The following EPHX3 variants were observed in gnomAD, a reference collection of about 807,000 sequenced individuals.
The protein encoded by EPHX3 is epoxide hydrolase 3.
A neutral mutation model predicts 40.2 loss-of-function variants in EPHX3; 39 were observed. The observed-to-expected ratio is 0.97, with a 90% CI of 0.75 to 1.27. The LOEUF is 1.27. Ranked by LOEUF, EPHX3 falls within the 50% of genes most tolerant of loss-of-function variation. The pLI, the probability that EPHX3 is intolerant of heterozygous loss-of-function variation, is 0.00. For missense variants in EPHX3, 442 were observed against 474.0 expected (o/e 0.93, Z 0.63); for synonymous variants, 213 against 209.7 (o/e 1.02, Z -0.14).
Position 15,227,544 on chromosome 19 carries a change from G to A in EPHX3, c.976C>T (p.Arg326Cys), listed in dbSNP as rs775153077. Residue 326 changes from arginine to cysteine, a missense_variant, in exon 7 of 7, where the codon CGC (arginine) becomes TGC (cysteine). Physicochemically the swap from Arg to Cys is radical, Grantham distance 180 (BLOSUM62 -3). Coordinates refer to ENST00000221730, the MANE Select transcript of EPHX3 (RefSeq NM_024794.3). ...CCTGGCAGGATGTGGGCCTCCAAGCGGCCCGGCACAAAGCGGCTGCCGATG... is the reference window on the plus strand; with the variant it reads ...CCTGGCAGGATGTGGGCCTCCAAGCAGCCCGGCACAAAGCGGCTGCCGATG... ...EAIGSRFVPGRLEAHILPGIG... is the reference protein window; with the variant it reads ...EAIGSRFVPGCLEAHILPGIG... 1.2e-5 allele frequency: 20 copies of A among 1,613,944 alleles called. No homozygotes were observed. Among genetic ancestry groups the A allele is most frequent in the Admixed American group, 1.7e-5 (1 of 59,980 alleles).
rs752444762 is a variant in EPHX3 at position 15,231,225 on chromosome 19, G to C, written c.487+14C>G. On this transcript the variant is annotated intron_variant, in intron 3 of 6. Coordinates refer to ENST00000221730, the MANE Select transcript of EPHX3 (RefSeq NM_024794.3). ...ATGAGGGAGGCCACGCCTAGGATGG[G>C]GGTATGTCTGCACCCAGGCCTAGGA... 1 of 1,613,790 alleles carries C rather than the reference G, an allele frequency of 6.2e-7. No homozygotes were observed. The highest frequency in any genetic ancestry group is 1.1e-5 in the South Asian group (1 of 91,050).
chr19:15,232,107 G>A lies in EPHX3; in HGVS notation c.105C>T (p.Ala35=). ...WSLVFSVALV[A]AAVYGCIALT... is the part of the protein sequence containing the mutation. ...GCGCTATGCAGCCGTAGACCGCCGC[G>A]GCCACCAGCGCCACCGAGAACACCA... The change falls in exon 1 of 7, where the codon GCC becomes GCT. Residue 35 remains alanine, a synonymous_variant. Coordinates refer to ENST00000221730, the MANE Select transcript of EPHX3 (RefSeq NM_024794.3). The A allele has an allele frequency of 6.7e-7, 1 of 1,498,802 alleles. No individual in the cohort carries two copies. Among genetic ancestry groups the A allele is most frequent in the Non-Finnish European group, 8.8e-7 (1 of 1,130,874 alleles). 92.8% of individuals were successfully genotyped at this position (1,498,802 alleles called of 1,614,324 possible).
upstream of EPHX3, chr19:15,235,920 C>G (rs1195143294): frequency 6.6e-6 from 1 of 152,208 alleles, no homozygotes; most frequent in African/African-American, 2.4e-5. Flanking sequence ...TGGACCCAGG[C>G]TGGGGAAGTG....
rs373108195 is a variant in EPHX3, at chr19:15,229,818, C to T, written c.616+1144G>A. On this transcript the variant is annotated intron_variant, in intron 4 of 6. Transcript: ENST00000221730. Reference sequence around the variant, plus strand: ...AGGGGAATCGCTTGAACCTGGGAGGCGGAGGTTGCAGTGAACTGAGATCAC... The same window carrying T: ...AGGGGAATCGCTTGAACCTGGGAGGTGGAGGTTGCAGTGAACTGAGATCAC... 1.5e-4 allele frequency among the ~76,000 whole-genome samples: 20 copies of T among 129,442 alleles called. 1 individual carries two copies. The highest frequency in any genetic ancestry group is 1.1e-3 in the South Asian group (4 of 3,778). 84.9% of individuals were successfully genotyped at this position (129,442 alleles called of 152,430 possible).
At chr19:15,233,441 G>C (rs2047168999), upstream of EPHX3, 1 of 152,260 alleles carries the variant, frequency 6.6e-6, no homozygotes, top group East Asian at 1.9e-4. Flanking sequence ...CGGGTCCAGC[G>C]GCCTCGGCCC....
At chr19:15,235,349 T>C (rs1389041510), upstream of EPHX3, among the ~76,000 whole-genome samples, 1 of 151,946 alleles carries the variant, frequency 6.6e-6, no homozygotes, top group African/African-American at 2.4e-5. Flanking sequence ...TATCTCACAA[T>C]TTGATGTTCC....
upstream of EPHX3, among the ~76,000 whole-genome samples, chr19:15,233,685 G>A (rs2047170785): frequency 6.6e-6 from 1 of 152,228 alleles, no homozygotes; most frequent in Non-Finnish European, 1.5e-5. Flanking sequence ...GAGTTCTGGG[G>A]TTCTGGCCGA....
chr19:15,229,876 ACT>A (rs1285810745), intron 4 of EPHX3, among the ~76,000 whole-genome samples: 1 of 134,838 alleles, frequency 7.4e-6, no homozygotes, highest in African/African-American at 2.8e-5. Flanking sequence ...ACAGAGCAAG[ACT>A]CTGTCTCAAA....
At chr19:15,229,601 A>G (rs2047137613) in intron 4 of EPHX3, among the ~76,000 whole-genome samples, 1 of 149,744 alleles carries the variant, frequency 6.7e-6, no homozygotes, top group South Asian at 2.1e-4. Flanking sequence ...CAAGAAAAAA[A>G]AAAAAAAAAG....
chr19:15,231,464 C>A, intron 2 of EPHX3, 68 bp from the exon 3 acceptor site: 1 of 1,552,508 alleles, frequency 6.4e-7, no homozygotes, highest in Non-Finnish European at 8.7e-7. Flanking sequence ...CTACGCACAT[C>A]AGCAACCATT....
Position 15,232,403 on chromosome 19 carries a change from A to T in EPHX3, c.-192T>A, listed in dbSNP as rs2047162657. 5 of 1,360,594 alleles carry T rather than the reference A, an allele frequency of 3.7e-6. No individual in the cohort carries two copies. The East Asian group carries it at 1.5e-4, about 42-fold the overall frequency. 84.3% of individuals were successfully genotyped at this position (1,360,594 alleles called of 1,614,324 possible). On this transcript the variant is annotated 5_prime_UTR_variant, in exon 1 of 7. Transcript: ENST00000221730. ...ACAGCCAGAGCGCACCACTCACCTG[A>T]GTGCCAGGTAAACACCTGGGCGCGA...
In EPHX3 at chr19:15,231,227, G is replaced by T. The variant is rs1363107680; in HGVS notation, c.487+12C>A. 2 of 1,613,750 alleles carry T rather than the reference G, an allele frequency of 1.2e-6. No individual in the cohort carries two copies. Among genetic ancestry groups the T allele is most frequent in the African/African-American group, 1.3e-5 (1 of 74,896 alleles). On this transcript the variant is annotated intron_variant, in intron 3 of 6. Transcript: ENST00000221730. ...GAGGGAGGCCACGCCTAGGATGGGG[G>T]TATGTCTGCACCCAGGCCTAGGATG...
chr19:15,232,439 A>G lies in EPHX3; in HGVS notation c.-228T>C, dbSNP rs1169724532. ...AACACCTGGGCGCGACAGGGACAGG[A>G]AACAAGGGTAGGGTGCGGAGGCTGG... On this transcript the variant is annotated 5_prime_UTR_variant, in exon 1 of 7. Transcript: ENST00000221730. The G allele has an allele frequency of 7.4e-7, 1 of 1,350,290 alleles. No individual in the cohort carries two copies. Among genetic ancestry groups the G allele is most frequent in the Non-Finnish European group, 9.4e-7 (1 of 1,058,440 alleles). 83.6% of individuals were successfully genotyped at this position (1,350,290 alleles called of 1,614,324 possible). A position where few individuals can be genotyped will look rare whatever the true frequency, so the allele number is the denominator to read the frequency against.
At chr19:15,234,437 T>C (rs957162994), upstream of EPHX3, among the ~76,000 whole-genome samples, 7 of 152,084 alleles carry the variant, frequency 4.6e-5, no homozygotes, top group African/African-American at 1.4e-4. Context: ...AACCTGTAGT[T>C]GGGACTACAG....
Position 15,230,819 on chromosome 19 carries a change from C to T in EPHX3, c.616+143G>A, listed in dbSNP as rs935239554. ...GTCATTAATTTCCGAATGAGGAGTTCCACAACCGAAGGGACCTGGGTTGAT... is the reference window on the plus strand; with the variant it reads ...GTCATTAATTTCCGAATGAGGAGTTTCACAACCGAAGGGACCTGGGTTGAT... On this transcript the variant is annotated intron_variant, in intron 4 of 6. Coordinates refer to ENST00000221730, the MANE Select transcript of EPHX3 (RefSeq NM_024794.3). 12 of 1,129,366 alleles carry T rather than the reference C, an allele frequency of 1.1e-5. No homozygotes were observed. In the African/African-American group the frequency reaches 1.3e-4, roughly 12 times the overall value. The allele number at this position is 1,129,366 out of a possible 1,614,324, so 70.0% of individuals were successfully genotyped here.
rs372719908 is a variant in EPHX3 at position 15,231,414 on chromosome 19, G to A, written c.330-18C>T. Reference sequence around the variant, plus strand: ...AGGAGAACCTGCCAGGCGGGCGAGGGAGGGAGGCTGAGTCAGGGCCCTCAG... The same window carrying A: ...AGGAGAACCTGCCAGGCGGGCGAGGAAGGGAGGCTGAGTCAGGGCCCTCAG... On this transcript the variant is annotated intron_variant, in intron 2 of 6. Transcript: ENST00000221730. 1 of 1,611,566 alleles carries A rather than the reference G, an allele frequency of 6.2e-7. No individual in the cohort carries two copies. Among genetic ancestry groups the A allele is most frequent in the Non-Finnish European group, 8.5e-7 (1 of 1,179,242 alleles).
chr19:15,232,465 G>A, upstream of EPHX3: 15 of 1,321,574 alleles, frequency 1.1e-5, no homozygotes, highest in Non-Finnish European at 1.4e-5. Flanking sequence ...CGGAGGCTGG[G>A]GAGGAAGAGG....
chr19:15,227,761 C>T lies in EPHX3; in HGVS notation c.857+10G>A. 6.2e-7 allele frequency: 1 copy of T among 1,613,096 alleles called. No individual in the cohort carries two copies. The highest frequency in any genetic ancestry group is 8.5e-7 in the Non-Finnish European group (1 of 1,179,454). On this transcript the variant is annotated intron_variant, in intron 6 of 6. Coordinates refer to ENST00000221730, the MANE Select transcript of EPHX3 (RefSeq NM_024794.3). ...AATCTCCTGAGCTTATGCTTGGCAA[C>T]TGGTCTCACCTGAAGAGGTTTCGGT...
chr19:15,229,872 C>G (rs796077514), intron 4 of EPHX3, among the ~76,000 whole-genome samples: 20 of 39,930 alleles, frequency 5.0e-4, no homozygotes, highest in African/African-American at 2.1e-3. Context: ...GGCGACAGAG[C>G]AAGACTCTGT....
Sources: gnomAD v4.1 joint callset for allele counts (sites outside exome capture counted in the v4.1 genomes callset) on GRCh38, gnomAD v4.1.1 for gene constraint, MANE v1.5 for transcripts, NCBI Gene and HGNC (gene_info 2026-07-23, HGNC 2026-07-21) for gene names.